Variants in APOBEC3B observed in about 807,000 individuals in gnomAD.
The protein encoded by APOBEC3B is apolipoprotein B mRNA editing enzyme catalytic subunit 3B, also known as DNA dC->dU-editing enzyme APOBEC-3B.
In APOBEC3B, 29 loss-of-function variants were observed where a neutral mutation model predicts 53.4. The observed-to-expected ratio is 0.54, with a 90% CI of 0.40 to 0.74. APOBEC3B has a LOEUF of 0.74. APOBEC3B is among the 30% of genes least tolerant of loss of function. The pLI is 0.00. For missense variants in APOBEC3B, 347 were observed against 496.2 expected (o/e 0.70, Z 2.86); for synonymous variants, 132 against 184.8 (o/e 0.71, Z 2.32).
Position 38,990,293 on chromosome 22 carries a change from A to C in APOBEC3B, c.723+683A>C, listed in dbSNP as rs184715979. Among the ~76,000 whole-genome samples the C allele has an allele frequency of 2.9e-3, 423 of 147,738 alleles. 22 individuals carry two copies. The highest frequency in any genetic ancestry group is 9.9e-3 in the African/African-American group (403 of 40,660). ...TGGATCCACACACACTGCTTGGAAC[A>C]TCCTTTCAAGGGTGCCAGTCTCCAT... On this transcript the variant is annotated intron_variant, in intron 5 of 7. Coordinates refer to ENST00000333467, the MANE Select transcript of APOBEC3B (RefSeq NM_004900.5).
rs377377948 is a variant in APOBEC3B at position 38,991,540 on chromosome 22, G to T, written c.932G>T (p.Arg311Leu). 2 of 1,593,448 alleles carry T rather than the reference G, an allele frequency of 1.3e-6. No individual in the cohort carries two copies. The highest frequency in any genetic ancestry group is 1.8e-5 in the Admixed American group (1 of 56,212). The change falls in exon 6 of 8, where the codon CGC (arginine) becomes CTC (leucine). Residue 311 changes from arginine to leucine, a missense_variant. Physicochemically the swap from Arg to Leu is moderately radical, Grantham distance 102. Around this residue, in one of 5 missense-constraint regions of APOBEC3B, gnomAD observed 78 missense variants for 103.9 expected, o/e 0.75. Coordinates refer to ENST00000333467, the MANE Select transcript of APOBEC3B (RefSeq NM_004900.5). ...THVRLRIFAA[R>L]IYDYDPLYKE... is the part of the protein sequence containing the mutation. ...GTGAGACTGCGCATCTTCGCTGCCC[G>T]CATCTATGATTACGACCCCCTATAT...
At chr22:38,987,959 A>G (rs547630765) in intron 4 of APOBEC3B, among the ~76,000 whole-genome samples, 21 of 148,508 alleles carry the variant, frequency 1.4e-4, no homozygotes, top group African/African-American at 5.1e-4. Context: ...TGAGCCAGGC[A>G]TGGTAGCGGG....
At position 38,991,561 on chromosome 22, in the gene APOBEC3B, T is replaced by C; in HGVS notation, c.953T>C (p.Leu318Pro). The C allele has an allele frequency of 6.3e-7, 1 of 1,592,464 alleles. No homozygotes were observed. Among genetic ancestry groups the C allele is most frequent in the Non-Finnish European group, 8.5e-7 (1 of 1,172,434 alleles). ...GCCCGCATCTATGATTACGACCCCC[T>C]ATATAAGGAGGCGCTGCAAATGCTG... The part of the protein sequence containing the change: ...FAARIYDYDP[L>P]YKEALQMLRD... The change falls in exon 6 of 8, where the codon CTA becomes CCA. Residue 318 changes from leucine (L) to proline (P), a missense_variant. By Grantham distance (98) the Leu-to-Pro change is moderately conservative. Around this residue, in one of 5 missense-constraint regions of APOBEC3B, gnomAD observed 78 missense variants for 103.9 expected, o/e 0.75. Transcript: ENST00000333467.
chr22:38,982,540 A>G lies in APOBEC3B; in HGVS notation c.17+70A>G. 6 of 1,559,156 alleles carry G rather than the reference A, an allele frequency of 3.8e-6. 1 individual carries two copies. The highest frequency in any genetic ancestry group is 1.8e-5 in the Admixed American group (1 of 54,956). On this transcript the variant is annotated intron_variant, in intron 1 of 7. Coordinates refer to ENST00000333467, the MANE Select transcript of APOBEC3B (RefSeq NM_004900.5). ...TGCCTGGTGGTCCTGCTGGGCCTCA[A>G]CCCTGGCCTCCCCCCGCCCCTGCCC...
Position 38,984,219 on chromosome 22 carries a change from C to G in APOBEC3B, c.162C>G (p.Val54=). The stretch of plus-strand genomic sequence containing the variant: ...CAAATCTCCTTTGGGACACAGGGGT[C>G]TTTCGAGGCCAGGTACCACCCAAAC... ...GRSNLLWDTG[V]FRGQVYFKPQ... The change falls in exon 2 of 8, where the codon GTC becomes GTG. Residue 54 remains valine, a synonymous_variant. Transcript: ENST00000333467. The G allele has an allele frequency of 1.3e-6, 2 of 1,591,976 alleles. No homozygotes were observed. Among genetic ancestry groups the G allele is most frequent in the Non-Finnish European group, 1.7e-6 (2 of 1,172,216 alleles).
At chr22:38,984,780 T>A (rs990941538) in intron 2 of APOBEC3B, among the ~76,000 whole-genome samples, 1 of 148,256 alleles carries the variant, frequency 6.7e-6, no homozygotes, top group African/African-American at 2.5e-5. Flanking sequence ...TTTTAACCCT[T>A]GCTACAGTAG....
Position 38,985,803 on chromosome 22 carries a change from C to T in APOBEC3B, c.175-9C>T, listed in dbSNP as rs765516338. On this transcript the variant is annotated splice_polypyrimidine_tract_variant and intron_variant, in intron 2 of 7. Transcript: ENST00000333467. ...TCAGAGCATCCCCTGCCCCCTGCTC[C>T]TCTCCCAGGTGTATTTCAAGCCTCA... The T allele has an allele frequency of 1.3e-6, 2 of 1,587,156 alleles. No individual in the cohort carries two copies. Among genetic ancestry groups the T allele is most frequent in the Non-Finnish European group, 1.7e-6 (2 of 1,169,144 alleles).
chr22:38,984,251 C>T lies in APOBEC3B; in HGVS notation c.174+20C>T, dbSNP rs372240785. 212 of 1,587,262 alleles carry T rather than the reference C, an allele frequency of 1.3e-4. 17 individuals are homozygous for T. Among genetic ancestry groups the T allele is most frequent in the South Asian group, 7.6e-4 (67 of 87,958 alleles). ...GGCCAGGTACCACCCAAACTTCAATCGAATCACAGGCAGTGTTGCAGGAAT... is the reference window on the plus strand; with the variant it reads ...GGCCAGGTACCACCCAAACTTCAATTGAATCACAGGCAGTGTTGCAGGAAT... On this transcript the variant is annotated intron_variant, in intron 2 of 7. Transcript: ENST00000333467.
intron 4 of APOBEC3B, among the ~76,000 whole-genome samples, chr22:38,987,689 G>A (rs540120481): frequency 6.7e-6 from 1 of 148,742 alleles, no homozygotes; most frequent in East Asian, 2.3e-4. Flanking sequence ...TCCGCTGTGA[G>A]CAGAGGAGGA....
At position 38,987,774 on chromosome 22, in the gene APOBEC3B, G is replaced by A. The variant is rs373797761; in HGVS notation, c.569+1362G>A. On this transcript the variant is annotated intron_variant, in intron 4 of 7. Transcript: ENST00000333467. ...TTTAGAATGACACCTGCAACATGGA[G>A]TGTAGGAAAACATATGATCAGGAGA... 1.4e-3 allele frequency among the ~76,000 whole-genome samples: 203 copies of A among 148,458 alleles called. 10 individuals are homozygous for A. Among genetic ancestry groups the A allele is most frequent in the African/African-American group, 4.9e-3 (199 of 40,936 alleles).
intron 7 of APOBEC3B, 47 bp downstream of exon 7, chr22:38,992,196 C>T (rs1300678730): frequency 6.4e-7 from 1 of 1,570,180 alleles, no homozygotes; most frequent in Non-Finnish European, 8.6e-7. Flanking sequence ...CCTCCCCCTC[C>T]TCCCCGCTCC....
At chr22:38,991,786 T>A (rs565088477) in intron 6 of APOBEC3B, among the ~76,000 whole-genome samples, 160 bp downstream of exon 6, 1 of 147,314 alleles carries the variant, frequency 6.8e-6, no homozygotes, top group African/African-American at 2.5e-5. Context: ...GGCCAGGAGA[T>A]ATGGGCCCGG....
chr22:38,982,380 T>C lies in APOBEC3B; in HGVS notation c.-74T>C. 6.3e-7 allele frequency: 1 copy of C among 1,575,400 alleles called. No individual in the cohort carries two copies. Among genetic ancestry groups the C allele is most frequent in the Middle Eastern group, 1.7e-4 (1 of 5,970 alleles). ...GAGGGCTGTCCAACTGCAAGGACGC[T>C]GTAAGCAGGAAGTGAAACCACAGAG... is the stretch of plus-strand genomic sequence containing the variant. On this transcript the variant is annotated 5_prime_UTR_variant, in exon 1 of 8. Coordinates refer to ENST00000333467, the MANE Select transcript of APOBEC3B (RefSeq NM_004900.5).
In APOBEC3B at chr22:38,986,086, A is replaced by C; in HGVS notation, c.449A>C (p.Tyr150Ser). ...QAGARVTIMD[Y>S]EEFAYCWENF... ...GGAGCCCGCGTGACGATCATGGACT[A>C]TGAAGGTGAGAGGTGGAGGGGTCAG... The change falls in exon 3 of 8, where the codon TAT becomes TCT. Residue 150 changes from tyrosine (Y) to serine (S), a missense_variant. Tyr to Ser is a moderately radical substitution (Grantham distance 144). This residue lies in a region of APOBEC3B where 156 missense variants were observed against 166.7 expected (regional missense o/e 0.94). Coordinates refer to ENST00000333467, the MANE Select transcript of APOBEC3B (RefSeq NM_004900.5). 6.3e-7 allele frequency: 1 copy of C among 1,592,232 alleles called. No homozygotes were observed.
At chr22:38,991,991 C>T (rs1477061153) in intron 6 of APOBEC3B, 43 bp from the exon 7 acceptor site, 3 of 1,519,696 alleles carry the variant, frequency 2.0e-6, no homozygotes, top group African/African-American at 2.7e-5. Flanking sequence ...GCTGCCCCCT[C>T]CCCACAACAG....
chr22:38,991,185 G>A (rs1158438285), intron 5 of APOBEC3B, 147 bp from the exon 6 acceptor site: 1 of 855,708 alleles, frequency 1.2e-6, no homozygotes, highest in African/African-American at 1.6e-5. Flanking sequence ...TTTTAATATT[G>A]CATAGAAAAT....
chr22:38,987,490 A>G (rs1378964430), intron 4 of APOBEC3B, among the ~76,000 whole-genome samples: 1 of 148,188 alleles, frequency 6.7e-6, no homozygotes, highest in Non-Finnish European at 1.5e-5. Context: ...TATGCTTCCC[A>G]CCATTCCTGA....
chr22:38,986,794 A>G (rs1923758751), intron 4 of APOBEC3B, among the ~76,000 whole-genome samples: 2 of 148,784 alleles, frequency 1.3e-5, no homozygotes, highest in Admixed American at 6.9e-5. Context: ...GGGGGCACCC[A>G]TGGCATCCTG....
At chr22:38,986,761 T>C (rs1338646352) in intron 4 of APOBEC3B, among the ~76,000 whole-genome samples, 2 of 148,704 alleles carry the variant, frequency 1.3e-5, no homozygotes, top group African/African-American at 4.9e-5. Context: ...GGGCAGGAGA[T>C]GTGGAAGGAA....
Sources: allele counts gnomAD v4.1 joint callset (sites outside exome capture counted in the v4.1 genomes callset), GRCh38; gene constraint gnomAD v4.1.1; regional missense constraint gnomAD v4.1.1; transcripts MANE v1.5; gene names NCBI Gene and HGNC (gene_info 2026-07-23, HGNC 2026-07-21).